GLIS3: variants seen among roughly 807,000 people sequenced by gnomAD.
The protein encoded by GLIS3 is GLIS family zinc finger 3, also known as zinc finger protein GLIS3.
A neutral mutation model predicts 78.6 loss-of-function variants in GLIS3; 53 were observed. The ratio of observed to expected loss-of-function variants is 0.67; its 90% CI spans 0.54 to 0.85. The LOEUF (loss-of-function observed/expected upper bound fraction) is 0.85, where lower values mean the gene tolerates loss of function less well. Ranked by LOEUF, GLIS3 falls within the 40% of genes least tolerant of loss-of-function variation. The probability of loss-of-function intolerance (pLI) is 0.00; values close to 1 mark genes in which losing one functional copy is unlikely to be tolerated. For synonymous variants in GLIS3, 684 were observed against 509.9 expected, an observed-to-expected ratio of 1.34 and a Z score of -4.60; for missense variants, 1,703 against 1,231.1, an observed-to-expected ratio of 1.38 and a Z score of -5.74.
At chr9:4,100,436 A>T (rs982611765) in intron 4 of GLIS3, among the ~76,000 whole-genome samples, 4 of 152,232 alleles carry the variant, frequency 2.6e-5, no homozygotes, top group African/African-American at 9.6e-5. Context: ...AATCAGGGAA[A>T]ACAAAGGGGA....
chr9:3,872,542 A>G (rs1821033832), intron 8 of GLIS3, among the ~76,000 whole-genome samples: 1 of 152,244 alleles, frequency 6.6e-6, no homozygotes, highest in Non-Finnish European at 1.5e-5. Context: ...CAGCAGGCAA[A>G]GAGAATGAGG....
At chr9:4,294,130 G>A (rs1297735543) in intron 1 of GLIS3, among the ~76,000 whole-genome samples, 1 of 152,140 alleles carries the variant, frequency 6.6e-6, no homozygotes, top group South Asian at 2.1e-4. Flanking sequence ...ACCCACTTTA[G>A]GCCCTCCTTG....
intron 2 of GLIS3, among the ~76,000 whole-genome samples, chr9:4,190,522 T>C (rs1474686708): frequency 2.2e-5 from 3 of 134,626 alleles, no homozygotes; most frequent in African/African-American, 7.4e-5. Context: ...CCAAGAAATA[T>C]GGGACTATGT....
chr9:3,832,286 AT>A (rs1818094854), intron 9 of GLIS3, among the ~76,000 whole-genome samples: 1 of 151,790 alleles, frequency 6.6e-6, no homozygotes, highest in African/African-American at 2.4e-5. Context: ...TAATGACTGT[AT>A]TTCTTAAAAA....
intron 2 of GLIS3, among the ~76,000 whole-genome samples, chr9:4,199,676 C>A (rs1201321983): frequency 6.6e-6 from 1 of 151,802 alleles, no homozygotes; most frequent in Admixed American, 6.6e-5. Context: ...TCTAGACCTA[C>A]AAAAAAGACT....
At chr9:4,294,568 T>C (rs192094561) in intron 1 of GLIS3, among the ~76,000 whole-genome samples, 1 of 152,194 alleles carries the variant, frequency 6.6e-6, no homozygotes, top group East Asian at 1.9e-4. Flanking sequence ...CTTAGCACAC[T>C]GTTCAGCACA....
chr9:3,928,848 T>A (rs1375051344), intron 6 of GLIS3, among the ~76,000 whole-genome samples: 1 of 152,228 alleles, frequency 6.6e-6, no homozygotes, highest in Non-Finnish European at 1.5e-5. Flanking sequence ...TTTGTGGAAG[T>A]GTGAAATGGA....
At chr9:4,261,108 G>A (rs995810062) in intron 2 of GLIS3, among the ~76,000 whole-genome samples, 7 of 152,190 alleles carry the variant, frequency 4.6e-5, no homozygotes, top group East Asian at 1.9e-4. Context: ...ATTTTATGGC[G>A]TTCCAGAAAA....
chr9:3,983,115 G>C (rs919152441), intron 4 of GLIS3, among the ~76,000 whole-genome samples: 7 of 152,172 alleles, frequency 4.6e-5, no homozygotes, highest in African/African-American at 1.7e-4. Context: ...GGAACATGGT[G>C]AGAGGTGACT....
At chr9:4,402,823 A>AG in the GLIS3 span, among the ~76,000 whole-genome samples, 1 of 152,232 alleles carries the variant, frequency 6.6e-6, no homozygotes, top group Non-Finnish European at 1.5e-5. Context: ...TAGAAGATCT[A>AG]GAAAATAGTC....
the GLIS3 span, among the ~76,000 whole-genome samples, chr9:4,464,598 T>C: frequency 6.0e-3 from 911 of 152,192 alleles, 9 homozygotes; most frequent in African/African-American, 0.021. Flanking sequence ...TTTCACCATG[T>C]TGGCCAGGCT....
At position 4,152,090 on chromosome 9, in the gene GLIS3, A is replaced by C. The variant is rs76949217; in HGVS notation, c.389-26149T>G. ...ACCTAGACAACAAACAAGTAACACAATATTTTTCTACGGCCATTCAAACCT... is the reference window on the plus strand; with the variant it reads ...ACCTAGACAACAAACAAGTAACACACTATTTTTCTACGGCCATTCAAACCT... On this transcript the variant is annotated intron_variant, in intron 2 of 10. Coordinates refer to ENST00000381971, the MANE Select transcript of GLIS3 (RefSeq NM_001042413.2). 4.1e-6 allele frequency: 4 copies of C among 972,174 alleles called. No individual in the cohort carries two copies. The Admixed American group carries it at 2.5e-4, about 60-fold the overall frequency. The allele number at this position is 972,174 out of a possible 1,614,324, so 60.2% of individuals were successfully genotyped here. A position where few individuals can be genotyped will look rare whatever the true frequency, so the allele number is the denominator to read the frequency against.
chr9:4,181,490 T>G (rs561929421), intron 2 of GLIS3, among the ~76,000 whole-genome samples: 3 of 152,216 alleles, frequency 2.0e-5, no homozygotes, highest in Non-Finnish European at 4.4e-5. Context: ...AAAGGCACTA[T>G]AGTGGACATC....
Position 4,049,909 on chromosome 9 carries a change from C to T in GLIS3, c.1710+67859G>A, listed in dbSNP as rs996749846. On this transcript the variant is annotated intron_variant, in intron 4 of 10. Transcript: ENST00000381971. Reference sequence around the variant, plus strand: ...AAAACCACAATGAGATACCATCTCACACCAGTTAGAATGGTGATCATTAAA... The same window carrying T: ...AAAACCACAATGAGATACCATCTCATACCAGTTAGAATGGTGATCATTAAA... Among the ~76,000 whole-genome samples the T allele has an allele frequency of 7.9e-5, 12 of 152,064 alleles. No individual in the cohort carries two copies. In the East Asian group the frequency reaches 1.9e-3, roughly 24 times the overall value.
the GLIS3 span, among the ~76,000 whole-genome samples, chr9:4,471,547 A>C: frequency 1.3e-5 from 2 of 152,254 alleles, no homozygotes; most frequent in African/African-American, 4.8e-5. Flanking sequence ...AAAACTGGCT[A>C]GCCGTATATA....
intron 4 of GLIS3, among the ~76,000 whole-genome samples, chr9:4,055,765 G>C (rs1826104173): frequency 6.6e-6 from 1 of 152,194 alleles, no homozygotes; most frequent in South Asian, 2.1e-4. Flanking sequence ...GCTGGCTCAA[G>C]TTCAACAACA....
At chr9:4,023,007 G>A (rs980317793) in intron 4 of GLIS3, among the ~76,000 whole-genome samples, 11 of 152,154 alleles carry the variant, frequency 7.2e-5, no homozygotes, top group African/African-American at 2.4e-4. Flanking sequence ...TGATTTCACG[G>A]AGGTACACAG....
intron 4 of GLIS3, among the ~76,000 whole-genome samples, chr9:4,082,120 G>A (rs944747159): frequency 6.6e-6 from 1 of 152,196 alleles, no homozygotes; most frequent in Non-Finnish European, 1.5e-5. Context: ...ATATGTTTGT[G>A]CTCTGTGCAT....
intron 2 of GLIS3, among the ~76,000 whole-genome samples, chr9:4,222,680 G>C (rs925717148): frequency 6.6e-6 from 1 of 152,224 alleles, no homozygotes; most frequent in African/African-American, 2.4e-5. Context: ...GCTACTGTAA[G>C]AGGAAGAATA....
Sources: allele counts gnomAD v4.1 joint callset (sites outside exome capture counted in the v4.1 genomes callset), GRCh38; gene constraint gnomAD v4.1.1; transcripts MANE v1.5; gene names NCBI Gene and HGNC (gene_info 2026-07-23, HGNC 2026-07-21).